RAD54B: variants seen among roughly 807,000 people sequenced by gnomAD.
The protein encoded by RAD54B is RAD54 homolog B.
In RAD54B, 78 loss-of-function variants were observed where a neutral mutation model predicts 95.8. The ratio of observed to expected loss-of-function variants is 0.81; its 90% CI spans 0.68 to 0.98. The LOEUF (loss-of-function observed/expected upper bound fraction) is 0.98. RAD54B is among the 50% of genes least tolerant of loss of function. RAD54B has a pLI of 0.00. For missense variants in RAD54B, 957 were observed against 1,056.6 expected, an observed-to-expected ratio of 0.91 and a Z score of 1.31; for synonymous variants, 328 against 354.9, an observed-to-expected ratio of 0.92 and a Z score of 0.85.
rs776924419 is a variant in RAD54B, at chr8:94,380,250, A to G, written c.2142T>C (p.Phe714=). 6.2e-7 allele frequency: 1 copy of G among 1,614,016 alleles called. No homozygotes were observed. Residue 714 remains phenylalanine, a synonymous_variant, in exon 12 of 15, where the codon TTT becomes TTC. Coordinates refer to ENST00000336148, the MANE Select transcript of RAD54B (RefSeq NM_012415.3). ...CAGCTTTTGAACTTAACAAAAAAAT[A>G]AAAAAAGAAGAGTGTTGACTGTTAA... The part of the protein sequence containing the change: ...DGFNSQHSSF[F]IFLLSSKAGG...
In RAD54B at chr8:94,404,129, G is replaced by A; in HGVS notation, c.892C>T (p.Pro298Ser). Residue 298 changes from proline to serine, a missense_variant, in exon 6 of 15, where the codon CCA becomes TCA. Coordinates refer to ENST00000336148, the MANE Select transcript of RAD54B (RefSeq NM_012415.3). ...AATATGATTCCTTCTTTCTGATGTGGTCGAAGATGATATACAAGGTAAGGA... is the reference window on the plus strand; with the variant it reads ...AATATGATTCCTTCTTTCTGATGTGATCGAAGATGATATACAAGGTAAGGA... ...IDPYLVYHLR[P>S]HQKEGIIFLY... 2 of 1,610,452 alleles carry A rather than the reference G, an allele frequency of 1.2e-6. No homozygotes were observed. The highest frequency in any genetic ancestry group is 1.7e-6 in the Non-Finnish European group (2 of 1,177,694).
At chr8:94,401,634 G>A (rs1226815846) in intron 6 of RAD54B, among the ~76,000 whole-genome samples, 1 of 152,160 alleles carries the variant, frequency 6.6e-6, no homozygotes, top group Non-Finnish European at 1.5e-5. Context: ...CCTAACTCCT[G>A]AGTTGTTCAA....
At position 94,411,321 on chromosome 8, in the gene RAD54B, A is replaced by G. The variant is rs1169485000; in HGVS notation, c.305-6T>C. ...TTCTTTAGGAGCCGAATGAACTACA[A>G]TTAAAAAAAAAACACACATTATTAA... On this transcript the variant is annotated splice_region_variant and splice_polypyrimidine_tract_variant and intron_variant, in intron 3 of 14. Transcript: ENST00000336148. 2 of 1,550,878 alleles carry G rather than the reference A, an allele frequency of 1.3e-6. No homozygotes were observed. Among genetic ancestry groups the G allele is most frequent in the Non-Finnish European group, 1.7e-6 (2 of 1,159,072 alleles).
chr8:94,392,543 T>G (rs565220795), intron 9 of RAD54B, among the ~76,000 whole-genome samples: 2 of 152,226 alleles, frequency 1.3e-5, no homozygotes, highest in African/African-American at 4.8e-5. Flanking sequence ...ATTACAGGCA[T>G]GAGCCACTGT....
chr8:94,471,328 C>A (rs1234738967), intron 1 of RAD54B, among the ~76,000 whole-genome samples: 1 of 151,162 alleles, frequency 6.6e-6, no homozygotes, highest in Non-Finnish European at 1.5e-5. Context: ...TTTAATAAAT[C>A]AAAGGAAAAA....
At chr8:94,407,231 T>C (rs1195881802) in intron 5 of RAD54B, among the ~76,000 whole-genome samples, 1 of 152,160 alleles carries the variant, frequency 6.6e-6, no homozygotes. Context: ...ATTACTGTAT[T>C]CTTAGAATTA....
intron 2 of RAD54B, among the ~76,000 whole-genome samples, chr8:94,460,571 T>C (rs1812878576): frequency 6.6e-6 from 1 of 152,248 alleles, no homozygotes; most frequent in South Asian, 2.1e-4. Context: ...CTCTTTTTTT[T>C]GTATATGTAT....
chr8:94,404,870 G>A (rs531122533), intron 5 of RAD54B, among the ~76,000 whole-genome samples: 2 of 152,210 alleles, frequency 1.3e-5, no homozygotes, highest in African/African-American at 4.8e-5. Flanking sequence ...GTGGAGTGCA[G>A]TGGTGTGATC....
intron 3 of RAD54B, chr8:94,431,256 G>A (rs1812085897): frequency 1.1e-5 from 11 of 967,180 alleles, no homozygotes; most frequent in Non-Finnish European, 1.4e-5. Flanking sequence ...ATTTTTTCCA[G>A]AACAGGACAT....
At chr8:94,432,774 C>A in intron 3 of RAD54B, 2 of 1,245,444 alleles carry the variant, frequency 1.6e-6, no homozygotes, top group South Asian at 2.7e-5. Flanking sequence ...TATAAAGTTA[C>A]AAAATAAAAA....
At chr8:94,400,694 GCTA>G (rs1811247633) in intron 6 of RAD54B, among the ~76,000 whole-genome samples, 1 of 152,094 alleles carries the variant, frequency 6.6e-6, no homozygotes, top group Non-Finnish European at 1.5e-5. Context: ...TAAATCATCT[GCTA>G]CTATTACATG....
intron 9 of RAD54B, 114 bp from the exon 10 acceptor site, chr8:94,392,013 T>A: frequency 1.0e-6 from 1 of 979,564 alleles, no homozygotes; most frequent in Non-Finnish European, 1.5e-6. Context: ...CAACAAATTT[T>A]AAAAGAAATA....
At chr8:94,380,986 G>A (rs1176550346) in intron 11 of RAD54B, among the ~76,000 whole-genome samples, 2 of 152,156 alleles carry the variant, frequency 1.3e-5, no homozygotes, top group African/African-American at 4.8e-5. Flanking sequence ...ACTTAGACCA[G>A]GGAACTGACT....
At chr8:94,388,596 G>A (rs888679507) in intron 10 of RAD54B, among the ~76,000 whole-genome samples, 2 of 152,128 alleles carry the variant, frequency 1.3e-5, no homozygotes, top group African/African-American at 4.8e-5. Context: ...ATGTTTTCCT[G>A]TGTGTTGCAC....
intron 14 of RAD54B, among the ~76,000 whole-genome samples, chr8:94,376,097 A>G (rs115517588): frequency 0.013 from 1,945 of 152,274 alleles, 45 homozygotes; most frequent in African/African-American, 0.044. Flanking sequence ...ACAGAATTCT[A>G]CACTAGGCAA....
At chr8:94,460,176 C>T (rs577585773) in intron 2 of RAD54B, among the ~76,000 whole-genome samples, 11 of 138,418 alleles carry the variant, frequency 7.9e-5, no homozygotes, top group Non-Finnish European at 1.7e-4. Flanking sequence ...AAAGATGAAA[C>T]GAGATCAGTC....
At chr8:94,427,584 TG>T in intron 3 of RAD54B, 2 of 338,862 alleles carry the variant, frequency 5.9e-6, no homozygotes, top group Non-Finnish European at 8.4e-6. Context: ...TATTTAGATA[TG>T]GTACATTGGC....
At chr8:94,373,976 G>A (rs1229824908) in intron 14 of RAD54B, among the ~76,000 whole-genome samples, 1 of 152,082 alleles carries the variant, frequency 6.6e-6, no homozygotes, top group Admixed American at 6.5e-5. Flanking sequence ...AATCATTGAG[G>A]TTTTAAGAAA....
intron 1 of RAD54B, among the ~76,000 whole-genome samples, chr8:94,470,317 G>A (rs1342842379): frequency 6.6e-6 from 1 of 151,938 alleles, no homozygotes; most frequent in African/African-American, 2.4e-5. Context: ...AAGAATTTGA[G>A]GCCAGGTGCA....
Sources: allele counts gnomAD v4.1 joint callset (sites outside exome capture counted in the v4.1 genomes callset), GRCh38; gene constraint gnomAD v4.1.1; transcripts MANE v1.5; gene names NCBI Gene and HGNC (gene_info 2026-07-23, HGNC 2026-07-21).